The following GFM2 variants were observed in gnomAD, a reference collection of about 807,000 sequenced individuals.
The protein encoded by GFM2 is GTP dependent ribosome recycling factor mitochondrial 2.
A neutral mutation model predicts 95.4 loss-of-function variants in GFM2; 72 were observed. The ratio of observed to expected loss-of-function variants is 0.76; its 90% CI spans 0.62 to 0.92. GFM2 has a LOEUF of 0.92. Ranked by LOEUF, GFM2 falls within the 40% of genes least tolerant of loss-of-function variation. The pLI, the probability that GFM2 is intolerant of heterozygous loss-of-function variation, is 0.00. For missense variants in GFM2, 825 were observed against 924.1 expected, an observed-to-expected ratio of 0.89 and a Z score of 1.39; for synonymous variants, 276 against 317.5, an observed-to-expected ratio of 0.87 and a Z score of 1.39.
chr5:74,738,714 C>A, intron 12 of GFM2, 72 bp from the exon 13 acceptor site: 1 of 1,403,460 alleles, frequency 7.1e-7, no homozygotes, highest in South Asian at 1.4e-5. Context: ...ACCTTAATGT[C>A]CCCAAAGATC....
chr5:74,730,349 C>T lies in GFM2; in HGVS notation c.1637G>A (p.Arg546Gln), dbSNP rs201174367. ...CTCCAGTCCATATTCCCTCTTGATT[C>T]GATCATGAATAATCTCTATATGTAA... ...GELHIEIIHD[R>Q]IKREYGLETY... The change falls in exon 17 of 21, where the codon CGA (arginine) becomes CAA (glutamine). Residue 546 changes from arginine to glutamine, a missense_variant. Arg to Gln is a conservative substitution (Grantham distance 43). Coordinates refer to ENST00000296805, the MANE Select transcript of GFM2 (RefSeq NM_032380.5). The T allele has an allele frequency of 1.4e-5, 23 of 1,611,996 alleles. No individual in the cohort carries two copies. Among genetic ancestry groups the T allele is most frequent in the African/African-American group, 6.7e-5 (5 of 74,932 alleles).
At chr5:74,765,499 A>C (rs1744524787) in intron 1 of GFM2, among the ~76,000 whole-genome samples, 1 of 152,186 alleles carries the variant, frequency 6.6e-6, no homozygotes, top group Non-Finnish European at 1.5e-5. Flanking sequence ...GAGATCAAGG[A>C]AGGCCTCATT....
intron 6 of GFM2, among the ~76,000 whole-genome samples, chr5:74,750,905 A>G (rs1743667077): frequency 6.6e-6 from 1 of 152,224 alleles, no homozygotes; most frequent in Non-Finnish European, 1.5e-5. Context: ...AAAATGTGAT[A>G]TACACATACA....
intron 15 of GFM2, among the ~76,000 whole-genome samples, chr5:74,733,545 G>A (rs1315225564): frequency 6.6e-6 from 1 of 152,126 alleles, no homozygotes; most frequent in Non-Finnish European, 1.5e-5. Flanking sequence ...GGAACAATCT[G>A]CTGTTGGGAA....
chr5:74,753,292 G>A (rs1743810221), intron 5 of GFM2, among the ~76,000 whole-genome samples: 1 of 152,078 alleles, frequency 6.6e-6, no homozygotes, highest in South Asian at 2.1e-4. Context: ...ATAGAATTAA[G>A]TAAGTAGAAG....
At chr5:74,750,759 GTGTGTATATATA>G in intron 6 of GFM2, 92 bp from the exon 7 acceptor site, 1 of 844,978 alleles carries the variant, frequency 1.2e-6, no homozygotes, top group Non-Finnish European at 2.0e-6. Context: ...GGAGGGGTGT[GTGTGTATATATA>G]TGTGTATATA....
intron 19 of GFM2, among the ~76,000 whole-genome samples, chr5:74,723,277 C>T (rs1242110686): frequency 6.6e-6 from 1 of 152,146 alleles, no homozygotes; most frequent in African/African-American, 2.4e-5. Context: ...TCCTATGCAG[C>T]CCATAGTTTG....
At chr5:74,725,091 A>G (rs1229225438) in intron 19 of GFM2, 1 of 152,224 alleles carries the variant, frequency 6.6e-6, no homozygotes, top group Non-Finnish European at 1.5e-5. Flanking sequence ...AATTTAATAT[A>G]AGTAGAGAAA....
chr5:74,736,064 C>T (rs954350230), intron 15 of GFM2, among the ~76,000 whole-genome samples: 1 of 152,162 alleles, frequency 6.6e-6, no homozygotes, highest in Non-Finnish European at 1.5e-5. Flanking sequence ...GAGCTATGCA[C>T]TCAGGCAGGA....
intron 6 of GFM2, among the ~76,000 whole-genome samples, 177 bp from the exon 7 acceptor site, chr5:74,750,844 G>A (rs985632008): frequency 6.6e-6 from 1 of 152,102 alleles, no homozygotes; most frequent in African/African-American, 2.4e-5. Flanking sequence ...AGCACTGGTA[G>A]ACAAAAGGTG....
chr5:74,763,839 G>C (rs1744407577), intron 1 of GFM2, 73 bp from the exon 2 acceptor site: 4 of 835,784 alleles, frequency 4.8e-6, no homozygotes, highest in South Asian at 2.9e-5. Flanking sequence ...ATGTAAGTTA[G>C]ACATATGTAA....
chr5:74,742,902 CGT>C (rs970564574), intron 10 of GFM2, among the ~76,000 whole-genome samples: 3 of 152,016 alleles, frequency 2.0e-5, no homozygotes, highest in African/African-American at 7.2e-5. Context: ...CTCCTGACCT[CGT>C]GATCTGCCCA....
chr5:74,758,557 TAGAA>T (rs1744113355), intron 5 of GFM2, among the ~76,000 whole-genome samples: 1 of 152,200 alleles, frequency 6.6e-6, no homozygotes. Flanking sequence ...AGGACTCTAC[TAGAA>T]AGAAACACCT....
intron 16 of GFM2, 62 bp from the exon 17 acceptor site, chr5:74,730,460 T>C (rs906926628): frequency 8.7e-7 from 1 of 1,153,576 alleles, no homozygotes. Context: ...CAGAATACTA[T>C]ATAAAAGTAT....
chr5:74,757,085 C>A (rs1218357358), intron 5 of GFM2, among the ~76,000 whole-genome samples: 1 of 151,926 alleles, frequency 6.6e-6, no homozygotes. Context: ...ATAAAATAAG[C>A]CTTAGGGGAG....
intron 7 of GFM2, among the ~76,000 whole-genome samples, chr5:74,749,592 T>C (rs372593186): frequency 7.9e-4 from 121 of 152,324 alleles, no homozygotes; most frequent in African/African-American, 2.7e-3. Flanking sequence ...ATAGTCTGGA[T>C]ACAAATCCAT....
Position 74,763,752 on chromosome 5 carries a change from C to G in GFM2, c.-10G>C, listed in dbSNP as rs1270839380. 2 of 1,601,856 alleles carry G rather than the reference C, an allele frequency of 1.2e-6. No homozygotes were observed. Among genetic ancestry groups the G allele is most frequent in the African/African-American group, 2.7e-5 (2 of 74,762 alleles). ...TCAAGTTGGTCAACATCTTGATCCTCCAAACTGTTACTGTCTGAAAAAATA... is the reference window on the plus strand; with the variant it reads ...TCAAGTTGGTCAACATCTTGATCCTGCAAACTGTTACTGTCTGAAAAAATA... On this transcript the variant is annotated 5_prime_UTR_variant, in exon 2 of 21. Coordinates refer to ENST00000296805, the MANE Select transcript of GFM2 (RefSeq NM_032380.5).
intron 8 of GFM2, 69 bp from the exon 9 acceptor site, chr5:74,746,234 G>GA (rs1406058027): frequency 8.0e-5 from 62 of 773,846 alleles, no homozygotes; most frequent in South Asian, 1.2e-4. Context: ...ATCAAGAGAG[G>GA]AAAAAAAACT....
intron 5 of GFM2, among the ~76,000 whole-genome samples, chr5:74,758,317 A>G (rs781035063): frequency 3.3e-5 from 5 of 152,246 alleles, no homozygotes; most frequent in African/African-American, 9.6e-5. Context: ...AATTATATAT[A>G]TAAGTACCTT....
Sources: allele counts gnomAD v4.1 joint callset (sites outside exome capture counted in the v4.1 genomes callset), GRCh38; gene constraint gnomAD v4.1.1; transcripts MANE v1.5; gene names NCBI Gene and HGNC (gene_info 2026-07-23, HGNC 2026-07-21).